The following ACACA variants were observed in gnomAD, a reference collection of about 807,000 sequenced individuals.
The protein encoded by ACACA is acetyl-CoA carboxylase alpha.
ACACA carries 103 observed loss-of-function variants against 296.1 expected under a neutral mutation model. The observed-to-expected ratio is 0.35, with a 90% CI of 0.30 to 0.41. The LOEUF is 0.41. Among genes scored for constraint, ACACA ranks in the 10% least tolerant of loss-of-function variants. ACACA has a pLI of 1.00. For missense variants in ACACA, 1,554 were observed against 2,989.7 expected (o/e 0.52, Z 11.20); for synonymous variants, 953 against 1,038.6 (o/e 0.92, Z 1.58).
intron 45 of ACACA, among the ~76,000 whole-genome samples, chr17:37,132,927 T>C (rs1366418066): frequency 6.6e-6 from 1 of 152,216 alleles, no homozygotes; most frequent in African/African-American, 2.4e-5. Context: ...AGTACTCTTC[T>C]CTTTACAAGC....
chr17:37,239,486 A>G (rs1285426248), intron 24 of ACACA, among the ~76,000 whole-genome samples: 1 of 152,198 alleles, frequency 6.6e-6, no homozygotes, highest in Non-Finnish European at 1.5e-5. Context: ...ACCATAATGC[A>G]TGATGTATCC....
intron 42 of ACACA, among the ~76,000 whole-genome samples, chr17:37,157,131 G>A (rs2076282418): frequency 6.6e-6 from 1 of 152,208 alleles, no homozygotes; most frequent in African/African-American, 2.4e-5. Flanking sequence ...AAATGAAAGA[G>A]AAGGTAGACA....
At chr17:37,183,560 G>A (rs2077403722) in intron 39 of ACACA, among the ~76,000 whole-genome samples, 2 of 152,100 alleles carry the variant, frequency 1.3e-5, no homozygotes, top group African/African-American at 4.8e-5. Context: ...CGGGCGCAGT[G>A]GCTCACGCCT....
In ACACA at chr17:37,097,055, C is replaced by G; in HGVS notation, c.6832G>C (p.Asp2278His). ...CTTAACATGGCTTGAATCTGGCCATCAGTCAGCTCAGGGTTGGCATTGTGG... is the reference window on the plus strand; with the variant it reads ...CTTAACATGGCTTGAATCTGGCCATGAGTCAGCTCAGGGTTGGCATTGTGG... Reference protein sequence around the residue: ...KIHNANPELTDGQIQAMLRRW... With the variant: ...KIHNANPELTHGQIQAMLRRW... The change falls in exon 54 of 56, where the codon GAT becomes CAT. Residue 2278 changes from aspartate to histidine, a missense_variant. By Grantham distance (81) the Asp-to-His change is moderately conservative. Coordinates refer to ENST00000616317, the MANE Select transcript of ACACA (RefSeq NM_198834.3). This position sits in a 1 kb window ranked among gnomAD's most constrained non-coding sequence, Gnocchi z 4.8. 1 of 1,614,162 alleles carries G rather than the reference C, an allele frequency of 6.2e-7. No individual in the cohort carries two copies. Among genetic ancestry groups the G allele is most frequent in the Non-Finnish European group, 8.5e-7 (1 of 1,180,036 alleles).
At chr17:37,179,174 C>A in intron 41 of ACACA, 86 bp downstream of exon 41, 1 of 1,527,008 alleles carries the variant, frequency 6.5e-7, no homozygotes, top group South Asian at 1.1e-5. Flanking sequence ...CTACCATGCT[C>A]CAGTGCTATT....
chr17:37,210,947 C>G (rs1351100405), intron 29 of ACACA, among the ~76,000 whole-genome samples: 1 of 152,008 alleles, frequency 6.6e-6, no homozygotes, highest in African/African-American at 2.4e-5. Flanking sequence ...GAAGTTGATT[C>G]CACAGCTCCT....
chr17:37,326,825 T>A (rs550781137), intron 3 of ACACA, among the ~76,000 whole-genome samples: 1 of 149,842 alleles, frequency 6.7e-6, no homozygotes, highest in African/African-American at 2.5e-5. Context: ...CGAGTCTCCC[T>A]CTAAAAAAAA....
At chr17:37,116,930 G>A (rs1009610733) in intron 50 of ACACA, among the ~76,000 whole-genome samples, 1 of 152,174 alleles carries the variant, frequency 6.6e-6, no homozygotes, top group African/African-American at 2.4e-5. Flanking sequence ...CCTGAGAAAC[G>A]CAACTGGGAA....
intron 50 of ACACA, among the ~76,000 whole-genome samples, chr17:37,118,618 A>C (rs903514466): frequency 6.6e-6 from 1 of 152,156 alleles, no homozygotes; most frequent in Non-Finnish European, 1.5e-5. Flanking sequence ...GAGCTACATC[A>C]CATCAGCCAA....
chr17:37,377,846 C>T lies in ACACA; in HGVS notation c.38+28416G>A, dbSNP rs201523734. Reference sequence around the variant, plus strand: ...ATTCTGATTTTCCCCAAACCTTCCCCGGTTCCCCTCCTCCCCCTCTGCTCA... The same window carrying T: ...ATTCTGATTTTCCCCAAACCTTCCCTGGTTCCCCTCCTCCCCCTCTGCTCA... On this transcript the variant is annotated intron_variant, in intron 1 of 55. Coordinates refer to ENST00000616317, the MANE Select transcript of ACACA (RefSeq NM_198834.3). 50 of 1,562,408 alleles carry T rather than the reference C, an allele frequency of 3.2e-5. No homozygotes were observed. In the African/African-American group the frequency reaches 4.3e-4, roughly 14 times the overall value.
rs189642600 is a variant in ACACA at position 37,266,322 on chromosome 17, G to T, written c.1120-2428C>A. On this transcript the variant is annotated intron_variant, in intron 10 of 55. Transcript: ENST00000616317. ...CCAACTACTCGGGAGGCTGAGACAG[G>T]AGAATCACTTGAACCTGGGAGGTGG... 4.0e-4 allele frequency among the ~76,000 whole-genome samples: 61 copies of T among 152,070 alleles called. 1 individual carries two copies. Among genetic ancestry groups the T allele is most frequent in the African/African-American group, 1.4e-3 (59 of 41,474 alleles).
At chr17:37,231,604 C>T (rs779785979) in intron 25 of ACACA, among the ~76,000 whole-genome samples, 2 of 152,178 alleles carry the variant, frequency 1.3e-5, no homozygotes, top group African/African-American at 4.8e-5. Context: ...ATCATAAATT[C>T]TCCCCATCTA....
chr17:37,297,331 C>T (rs2083390384), intron 3 of ACACA, among the ~76,000 whole-genome samples: 1 of 150,824 alleles, frequency 6.6e-6, no homozygotes, highest in Non-Finnish European at 1.5e-5. Context: ...ATCCCAGCTA[C>T]TCGGGAGGCT....
chr17:37,381,587 A>G (rs917821465), intron 1 of ACACA, among the ~76,000 whole-genome samples: 5 of 150,152 alleles, frequency 3.3e-5, no homozygotes, highest in Non-Finnish European at 7.4e-5. Context: ...ATTCTTTTTA[A>G]CAGTTTTACA....
chr17:37,406,366 G>C lies in ACACA; in HGVS notation c.-67C>G. On this transcript the variant is annotated 5_prime_UTR_variant, in exon 1 of 56. Transcript: ENST00000616317. ...AGAGGGGATGGTTCTTTCCAAAGAAGACAATTTCGACGTTCCAGGAGCATC... is the reference window on the plus strand; with the variant it reads ...AGAGGGGATGGTTCTTTCCAAAGAACACAATTTCGACGTTCCAGGAGCATC... 3 of 1,554,422 alleles carry C rather than the reference G, an allele frequency of 1.9e-6. No individual in the cohort carries two copies. The highest frequency in any genetic ancestry group is 1.1e-5 in the South Asian group (1 of 89,942).
At chr17:37,282,296 C>A (rs1159106077) in intron 5 of ACACA, among the ~76,000 whole-genome samples, 2 of 152,166 alleles carry the variant, frequency 1.3e-5, no homozygotes, top group African/African-American at 4.8e-5. Context: ...TTCATCTTCC[C>A]CCAGTAAGTG....
At chr17:37,150,398 C>T (rs771161372) in intron 44 of ACACA, among the ~76,000 whole-genome samples, 1 of 151,766 alleles carries the variant, frequency 6.6e-6, no homozygotes, top group African/African-American at 2.4e-5. Flanking sequence ...AAAAATTATC[C>T]GGGCGTCATG....
Position 37,245,184 on chromosome 17 carries a change from C to T in ACACA, c.2491G>A (p.Val831Met), listed in dbSNP as rs767853794. ...ACGTAATGGATACAGCCAGACTCCACAGCTGTTAAGGTCATTACCATCTTC... is the reference window on the plus strand; with the variant it reads ...ACGTAATGGATACAGCCAGACTCCATAGCTGTTAAGGTCATTACCATCTTC... Reference protein sequence around the residue: ...VMKMVMTLTAVESGCIHYVKR... With the variant: ...VMKMVMTLTAMESGCIHYVKR... The change falls in exon 20 of 56, where the codon GTG becomes ATG. Residue 831 changes from valine to methionine, a missense_variant. Physicochemically the swap from Val to Met is conservative, Grantham distance 21. Transcript: ENST00000616317. The T allele has an allele frequency of 1.9e-6, 3 of 1,614,092 alleles. No individual in the cohort carries two copies. Among genetic ancestry groups the T allele is most frequent in the Non-Finnish European group, 2.5e-6 (3 of 1,179,948 alleles).
chr17:37,347,713 A>C (rs1050822422), intron 1 of ACACA, among the ~76,000 whole-genome samples: 2 of 149,926 alleles, frequency 1.3e-5, no homozygotes, highest in Non-Finnish European at 3.0e-5. Context: ...GACCAGCCTG[A>C]GCAACAAAGC....
Sources: gnomAD v4.1 joint callset for allele counts (sites outside exome capture counted in the v4.1 genomes callset) on GRCh38, gnomAD v4.1.1 for gene constraint, Gnocchi (gnomAD v3.1) non-coding constraint, MANE v1.5 for transcripts, NCBI Gene and HGNC (gene_info 2026-07-23, HGNC 2026-07-21) for gene names.